The following FHIT variants were observed in gnomAD, a reference collection of about 807,000 sequenced individuals.
The protein encoded by FHIT is bis(5'-adenosyl)-triphosphatase.
Under a neutral mutation model 17.9 loss-of-function variants are expected in FHIT, and 19 were observed. That is an observed-to-expected ratio of 1.06 (90% CI 0.74 to 1.56). The LOEUF (loss-of-function observed/expected upper bound fraction) is 1.56. FHIT is among the 40% of genes most tolerant of loss of function. FHIT has a pLI of 0.00. For missense variants in FHIT, 248 were observed against 189.2 expected, an observed-to-expected ratio of 1.31 and a Z score of -1.82; for synonymous variants, 81 against 69.7, an observed-to-expected ratio of 1.16 and a Z score of -0.81.
chr3:59,925,718 G>T (rs901916383), intron 7 of FHIT, among the ~76,000 whole-genome samples: 3 of 152,158 alleles, frequency 2.0e-5, no homozygotes, highest in Non-Finnish European at 2.9e-5. Context: ...TGTACAGGTG[G>T]TTTTTTCCCG....
intron 3 of FHIT, among the ~76,000 whole-genome samples, chr3:61,001,885 A>C (rs2031109256): frequency 6.6e-6 from 1 of 152,142 alleles, no homozygotes; most frequent in Non-Finnish European, 1.5e-5. Context: ...TGGTTTTTAT[A>C]TTGTCCTCTA....
chr3:60,359,435 C>T (rs1699810893), intron 5 of FHIT, among the ~76,000 whole-genome samples: 1 of 151,900 alleles, frequency 6.6e-6, no homozygotes. Flanking sequence ...TGTGTGCCAC[C>T]ATGTCCAGCT....
chr3:60,836,943 C>A (rs1287164391), intron 3 of FHIT, among the ~76,000 whole-genome samples: 1 of 152,094 alleles, frequency 6.6e-6, no homozygotes, highest in Non-Finnish European at 1.5e-5. Flanking sequence ...CCCCTTTATT[C>A]CTGAGGATAT....
intron 5 of FHIT, among the ~76,000 whole-genome samples, chr3:60,472,430 G>A (rs1195022060): frequency 6.0e-5 from 9 of 149,594 alleles, no homozygotes; most frequent in Admixed American, 3.3e-4. Context: ...GTGCAGTGGC[G>A]TGATCTCGGC....
chr3:61,114,876 C>T (rs2036255905), intron 2 of FHIT, among the ~76,000 whole-genome samples: 1 of 152,144 alleles, frequency 6.6e-6, no homozygotes, highest in African/African-American at 2.4e-5. Context: ...TACAGTAGCT[C>T]CCCAATGCTT....
intron 7 of FHIT, among the ~76,000 whole-genome samples, chr3:59,978,836 G>A (rs1708526748): frequency 6.6e-6 from 1 of 151,620 alleles, no homozygotes; most frequent in Non-Finnish European, 1.5e-5. Context: ...AAAACTCAAT[G>A]GTCTGGATAT....
At position 61,154,647 on chromosome 3, in the gene FHIT, C is replaced by T. The variant is rs116510714; in HGVS notation, c.-164+45970G>A. On this transcript the variant is annotated intron_variant, in intron 2 of 9. Transcript: ENST00000492590. ...TGTCCTTGGGGACATGGGATTTCTGCATTGCTTTCGGCCATCTGATATTGC... is the reference window on the plus strand; with the variant it reads ...TGTCCTTGGGGACATGGGATTTCTGTATTGCTTTCGGCCATCTGATATTGC... 3.8e-3 allele frequency among the ~76,000 whole-genome samples: 576 copies of T among 152,294 alleles called. 1 individual carries two copies. The highest frequency in any genetic ancestry group is 0.013 in the African/African-American group (551 of 41,554).
chr3:60,813,331 G>A (rs564595689), intron 4 of FHIT, among the ~76,000 whole-genome samples: 5 of 151,648 alleles, frequency 3.3e-5, no homozygotes, highest in South Asian at 2.1e-4. Context: ...GCCCAATCTC[G>A]GGTATTCTGT....
intron 3 of FHIT, among the ~76,000 whole-genome samples, chr3:60,860,427 T>TACATG (rs1703662498): frequency 2.3e-5 from 3 of 130,506 alleles, no homozygotes; most frequent in Admixed American, 7.9e-5. Flanking sequence ...GTATATATGA[T>TACATG]ACATATATAT....
intron 5 of FHIT, among the ~76,000 whole-genome samples, chr3:60,459,844 T>A (rs1183339610): frequency 2.0e-5 from 3 of 152,156 alleles, no homozygotes; most frequent in Admixed American, 6.6e-5. Flanking sequence ...GTAAACCGCA[T>A]CCCAATTTCA....
At chr3:59,951,280 T>G (rs1707103141) in intron 7 of FHIT, among the ~76,000 whole-genome samples, 1 of 149,858 alleles carries the variant, frequency 6.7e-6, no homozygotes, top group South Asian at 2.2e-4. Context: ...AACACAGAAA[T>G]GGAAGTTGCT....
intron 8 of FHIT, among the ~76,000 whole-genome samples, chr3:59,918,512 A>C (rs75658550): frequency 8.3e-5 from 8 of 96,822 alleles, no homozygotes; most frequent in Non-Finnish European, 1.6e-4. Flanking sequence ...AAGTTAAAAA[A>C]CAAAAAAAAC....
chr3:60,990,498 A>G (rs1489935029), intron 3 of FHIT, among the ~76,000 whole-genome samples: 2 of 152,214 alleles, frequency 1.3e-5, no homozygotes, highest in East Asian at 1.9e-4. Context: ...TTAAACTCCA[A>G]TATAAAAATA....
At chr3:59,849,747 T>C (rs1442024392) in intron 8 of FHIT, among the ~76,000 whole-genome samples, 1 of 152,232 alleles carries the variant, frequency 6.6e-6, no homozygotes, top group Non-Finnish European at 1.5e-5. Flanking sequence ...GTAAGACTTG[T>C]AATGTTTTCA....
In FHIT at chr3:60,130,984, C is replaced by CATATATACATATGTGT. The variant is rs1559661249; in HGVS notation, c.104-116833_104-116832insACACATATGTATATAT. 3.7e-4 allele frequency among the ~76,000 whole-genome samples: 33 copies of CATATATACATATGTGT among 90,086 alleles called. 1 individual carries two copies. The East Asian group carries it at 6.5e-3, about 18-fold the overall frequency. The allele number at this position is 90,086 out of a possible 152,430, so 59.1% of individuals were successfully genotyped here. On this transcript the variant is annotated intron_variant, in intron 5 of 9. Transcript: ENST00000492590. ...ACCAGTAGAAAGGTATATATATACACATATATACACATATATACATATGTG... is the reference window on the plus strand; with the variant it reads ...ACCAGTAGAAAGGTATATATATACACATATATACATATGTGTATATATACACATATATACATATGTG...
At chr3:61,234,328 A>G (rs73098967) in intron 1 of FHIT, among the ~76,000 whole-genome samples, 6,432 of 152,334 alleles carry the variant, frequency 0.042, 156 homozygotes, top group Admixed American at 0.069. Flanking sequence ...GCACACGTGC[A>G]AATACATCAG....
At chr3:60,365,723 A>AT (rs1700080003) in intron 5 of FHIT, among the ~76,000 whole-genome samples, 1 of 152,158 alleles carries the variant, frequency 6.6e-6, no homozygotes, top group African/African-American at 2.4e-5. Flanking sequence ...ACGTCTTAAG[A>AT]TTTATTATTA....
At chr3:60,759,686 C>T (rs1224556106) in intron 4 of FHIT, among the ~76,000 whole-genome samples, 1 of 152,164 alleles carries the variant, frequency 6.6e-6, no homozygotes, top group Non-Finnish European at 1.5e-5. Flanking sequence ...AAGTGATCAA[C>T]TGTATCATGT....
At chr3:60,553,058 G>A (rs2036613385) in intron 4 of FHIT, among the ~76,000 whole-genome samples, 1 of 152,164 alleles carries the variant, frequency 6.6e-6, no homozygotes, top group Admixed American at 6.5e-5. Context: ...GCCCTGAGCT[G>A]CCAAGACAGG....
Sources: allele counts gnomAD v4.1 joint callset (sites outside exome capture counted in the v4.1 genomes callset), GRCh38; gene constraint gnomAD v4.1.1; transcripts MANE v1.5; gene names NCBI Gene and HGNC (gene_info 2026-07-23, HGNC 2026-07-21).